The following TACR3 variants were observed in gnomAD, a reference collection of about 807,000 sequenced individuals.
The protein encoded by TACR3 is tachykinin receptor 3, also known as neuromedin-K receptor.
TACR3 carries 34 observed loss-of-function variants against 35.0 expected under a neutral mutation model. The ratio of observed to expected loss-of-function variants is 0.97; its 90% CI spans 0.74 to 1.30. The LOEUF (loss-of-function observed/expected upper bound fraction) is 1.30. Ranked by LOEUF, TACR3 falls within the 50% of genes most tolerant of loss-of-function variation. TACR3 has a pLI of 0.00. For synonymous variants in TACR3, 233 were observed against 221.1 expected, an observed-to-expected ratio of 1.05 and a Z score of -0.48; for missense variants, 558 against 591.7, an observed-to-expected ratio of 0.94 and a Z score of 0.59.
At chr4:103,661,335 G>T (rs1426801171) in intron 1 of TACR3, among the ~76,000 whole-genome samples, 4 of 152,044 alleles carry the variant, frequency 2.6e-5, no homozygotes, top group African/African-American at 9.7e-5. Flanking sequence ...TGCTCATGTT[G>T]ATTATAACTC....
chr4:103,718,818 G>C (rs532625424), intron 1 of TACR3, among the ~76,000 whole-genome samples: 1 of 152,254 alleles, frequency 6.6e-6, no homozygotes, highest in South Asian at 2.1e-4. Flanking sequence ...GTACTTAAAC[G>C]TTTCTAGCTA....
intron 3 of TACR3, among the ~76,000 whole-genome samples, chr4:103,632,527 A>G (rs1252954123): frequency 7.3e-5 from 10 of 137,326 alleles, no homozygotes; most frequent in Non-Finnish European, 1.6e-4. Context: ...AACATACAGC[A>G]GGGTCTGTTG....
chr4:103,636,188 T>G (rs1007751583), intron 3 of TACR3, among the ~76,000 whole-genome samples: 1 of 152,150 alleles, frequency 6.6e-6, no homozygotes, highest in East Asian at 1.9e-4. Flanking sequence ...AGGGAGTTTA[T>G]GTATTGTTTT....
chr4:103,603,218 G>T (rs1361867110), intron 3 of TACR3, among the ~76,000 whole-genome samples: 1 of 152,240 alleles, frequency 6.6e-6, no homozygotes, highest in Non-Finnish European at 1.5e-5. Flanking sequence ...TAATCTCCTG[G>T]TGTGCCATTT....
intron 1 of TACR3, among the ~76,000 whole-genome samples, chr4:103,688,569 C>T (rs954120653): frequency 6.7e-6 from 1 of 149,578 alleles, no homozygotes; most frequent in African/African-American, 2.5e-5. Context: ...ACAAACAACC[C>T]CATCAAAAAG....
At position 103,662,268 on chromosome 4, in the gene TACR3, G is replaced by A. The variant is rs150896568; in HGVS notation, c.549-3865C>T. On this transcript the variant is annotated intron_variant, in intron 1 of 4. Coordinates refer to ENST00000304883, the MANE Select transcript of TACR3 (RefSeq NM_001059.3). ...TGAGTCTTGCTCTGTCGCCCAGGCCGTAAGTGCAGTGGCACGATCTTGGCT... is the reference window on the plus strand; with the variant it reads ...TGAGTCTTGCTCTGTCGCCCAGGCCATAAGTGCAGTGGCACGATCTTGGCT... Among the ~76,000 whole-genome samples, 65 of 144,638 alleles carry A rather than the reference G, an allele frequency of 4.5e-4. 1 individual carries two copies. In the East Asian group the frequency reaches 0.011, roughly 24 times the overall value. The allele number at this position is 144,638 out of a possible 152,430, so 94.9% of individuals were successfully genotyped here.
intron 3 of TACR3, among the ~76,000 whole-genome samples, chr4:103,628,601 A>C (rs1272731572): frequency 1.3e-5 from 2 of 152,242 alleles, no homozygotes; most frequent in East Asian, 3.8e-4. Flanking sequence ...TAAACCAGGA[A>C]GAAGTCAAAT....
chr4:103,635,397 T>G (rs2110314938), intron 3 of TACR3, among the ~76,000 whole-genome samples: 1 of 151,750 alleles, frequency 6.6e-6, no homozygotes, highest in Admixed American at 6.6e-5. Flanking sequence ...AGGGGAGAGG[T>G]CTCCATGCTA....
chr4:103,714,140 G>T (rs567862106), intron 1 of TACR3, among the ~76,000 whole-genome samples: 2 of 151,824 alleles, frequency 1.3e-5, no homozygotes, highest in Non-Finnish European at 2.9e-5. Context: ...TTTACACTGG[G>T]GATATACTTT....
At chr4:103,620,535 C>T (rs2110303529) in intron 3 of TACR3, among the ~76,000 whole-genome samples, 1 of 152,226 alleles carries the variant, frequency 6.6e-6, no homozygotes, top group Non-Finnish European at 1.5e-5. Flanking sequence ...TTAAAAAATG[C>T]CCATATACAC....
At chr4:103,628,237 C>A (rs555593080) in intron 3 of TACR3, among the ~76,000 whole-genome samples, 1 of 151,918 alleles carries the variant, frequency 6.6e-6, no homozygotes, top group Non-Finnish European at 1.5e-5. Flanking sequence ...TTAAAAGAAC[C>A]AGAGAAGCAA....
chr4:103,646,891 T>C (rs1238372719), intron 3 of TACR3, among the ~76,000 whole-genome samples: 3 of 152,020 alleles, frequency 2.0e-5, no homozygotes, highest in Admixed American at 2.0e-4. Context: ...AAGATATCTA[T>C]AGTTTTCTTA....
At position 103,587,219 on chromosome 4, in the gene TACR3, A is replaced by G. The variant is rs1723785439; in HGVS notation, c.*2463T>C. 1 of 151,588 alleles carries G rather than the reference A, an allele frequency of 6.6e-6. No homozygotes were observed. Among genetic ancestry groups the G allele is most frequent in the African/African-American group, 2.4e-5 (1 of 40,954 alleles). 9.4% of individuals were successfully genotyped at this position (151,588 alleles called of 1,614,324 possible). On this transcript the variant is annotated 3_prime_UTR_variant, in exon 5 of 5. Transcript: ENST00000304883. ...TCTGTAATTCTTATTGTCAAAATGC[A>G]GACAAAAGAGTGAAAAATCTTCTCT... is the stretch of plus-strand genomic sequence containing the variant.
In TACR3 at chr4:103,668,906, C is replaced by A. The variant is rs77877902; in HGVS notation, c.549-10503G>T. On this transcript the variant is annotated intron_variant, in intron 1 of 4. Coordinates refer to ENST00000304883, the MANE Select transcript of TACR3 (RefSeq NM_001059.3). Reference sequence around the variant, plus strand: ...AGTATATGTGATATTTTGATAAAATCGTATGATGTGTAATGATCTGATCAA... The same window carrying A: ...AGTATATGTGATATTTTGATAAAATAGTATGATGTGTAATGATCTGATCAA... Among the ~76,000 whole-genome samples, 4 of 150,774 alleles carry A rather than the reference C, an allele frequency of 2.7e-5. No homozygotes were observed. The South Asian group carries it at 6.3e-4, about 24-fold the overall frequency.
intron 1 of TACR3, among the ~76,000 whole-genome samples, chr4:103,698,432 G>A (rs1012881968): frequency 6.7e-6 from 1 of 149,386 alleles, no homozygotes; most frequent in African/African-American, 2.6e-5. Flanking sequence ...TCCATTGATG[G>A]TTCACCTTAA....
rs183336057 is a variant in TACR3, at chr4:103,614,596, G to A, written c.889-22913C>T. Among the ~76,000 whole-genome samples, 10 of 152,208 alleles carry A rather than the reference G, an allele frequency of 6.6e-5. No homozygotes were observed. The East Asian group carries it at 1.5e-3, about 24-fold the overall frequency. ...AAAATTTGATTTAAATCTAGACTAC[G>A]TTAGTATATTGGATATAGTAAGAAT... is the stretch of plus-strand genomic sequence containing the variant. On this transcript the variant is annotated intron_variant, in intron 3 of 4. Coordinates refer to ENST00000304883, the MANE Select transcript of TACR3 (RefSeq NM_001059.3).
At chr4:103,614,166 T>C (rs1449687985) in intron 3 of TACR3, among the ~76,000 whole-genome samples, 1 of 152,214 alleles carries the variant, frequency 6.6e-6, no homozygotes, top group Non-Finnish European at 1.5e-5. Context: ...TCTATTACTT[T>C]CTAGACTTTC....
intron 3 of TACR3, among the ~76,000 whole-genome samples, chr4:103,595,696 C>T (rs557037192): frequency 4.7e-4 from 71 of 151,652 alleles, no homozygotes; most frequent in Non-Finnish European, 8.2e-4. Context: ...ATTTAGAAAA[C>T]TCTAGGGGTC....
intron 3 of TACR3, among the ~76,000 whole-genome samples, chr4:103,652,235 T>G (rs997430328): frequency 6.6e-6 from 1 of 152,136 alleles, no homozygotes; most frequent in African/African-American, 2.4e-5. Flanking sequence ...TTTAGCCCAC[T>G]GTGGTGAGGC....
Sources: allele counts gnomAD v4.1 joint callset (sites outside exome capture counted in the v4.1 genomes callset), GRCh38; gene constraint gnomAD v4.1.1; transcripts MANE v1.5; gene names NCBI Gene and HGNC (gene_info 2026-07-23, HGNC 2026-07-21).